The following AFDN variants were observed in gnomAD, a reference collection of about 807,000 sequenced individuals.
The protein encoded by AFDN is afadin.
A neutral mutation model predicts 216.6 loss-of-function variants in AFDN; 68 were observed. The observed-to-expected ratio is 0.31, with a 90% CI of 0.26 to 0.38. The LOEUF is 0.38. Among genes scored for constraint, AFDN ranks in the 10% least tolerant of loss-of-function variants. The pLI is 1.00. For synonymous variants in AFDN, 868 were observed against 853.7 expected, an observed-to-expected ratio of 1.02 and a Z score of -0.29; for missense variants, 2,136 against 2,342.0, an observed-to-expected ratio of 0.91 and a Z score of 1.82.
At chr6:167,904,743 C>T in intron 12 of AFDN, among the ~76,000 whole-genome samples, 1 of 152,182 alleles carries the variant, frequency 6.6e-6, no homozygotes, top group East Asian at 1.9e-4. Flanking sequence ...GGGTTCGTTC[C>T]TCTGCCTCTC....
Position 167,866,278 on chromosome 6 carries a change from G to C in AFDN, c.301+1532G>C, listed in dbSNP as rs533466540. On this transcript the variant is annotated intron_variant, in intron 2 of 33. Transcript: ENST00000683244. The stretch of plus-strand genomic sequence containing the variant: ...AAGATGGTTAAAGAAGAAGGAAATA[G>C]TGTCTTCCCCACTCCCTCAGGTACC... 5.3e-5 allele frequency among the ~76,000 whole-genome samples: 8 copies of C among 152,286 alleles called. No homozygotes were observed. The South Asian group carries it at 1.7e-3, about 32-fold the overall frequency.
At chr6:167,853,864 A>AT (rs1782591968) in intron 1 of AFDN, among the ~76,000 whole-genome samples, 1 of 152,024 alleles carries the variant, frequency 6.6e-6, no homozygotes, top group African/African-American at 2.4e-5. Context: ...ATATACGAGA[A>AT]TTTTTTCAAC....
At chr6:167,867,186 TGG>T (rs1330893754) in intron 2 of AFDN, among the ~76,000 whole-genome samples, 29 of 152,346 alleles carry the variant, frequency 1.9e-4, no homozygotes, top group Middle Eastern at 3.4e-3. Flanking sequence ...TAATTGTTAA[TGG>T]TAGTTCTCTA....
chr6:167,968,472 G>T (rs1797773323), intron 32 of AFDN: 1 of 152,366 alleles, frequency 6.6e-6, no homozygotes, highest in Non-Finnish European at 1.5e-5. Flanking sequence ...GAATTTTAAT[G>T]TGAAAATATT....
At chr6:167,923,826 T>C (rs1035785139) in intron 22 of AFDN, among the ~76,000 whole-genome samples, 1 of 152,010 alleles carries the variant, frequency 6.6e-6, no homozygotes, top group Non-Finnish European at 1.5e-5. Flanking sequence ...GGATTCACCA[T>C]GTTGGCCAGC....
At position 167,962,029 on chromosome 6, in the gene AFDN, G is replaced by C. The variant is rs369279543; in HGVS notation, c.4834-404G>C. 6.6e-6 allele frequency among the ~76,000 whole-genome samples: 1 copy of C among 152,200 alleles called. No homozygotes were observed. Among genetic ancestry groups the C allele is most frequent in the Admixed American group, 6.5e-5 (1 of 15,274 alleles). On this transcript the variant is annotated intron_variant, in intron 30 of 33. Transcript: ENST00000683244. This position sits in a 1 kb window ranked among gnomAD's most constrained non-coding sequence, Gnocchi z 5.2. The stretch of plus-strand genomic sequence containing the variant: ...ATATTCGTAGTGGAAATTAAAAAGG[G>C]AGAGGAGAAAGGAGGTGTTTCAGTG...
At chr6:167,853,755 C>G (rs568776733) in intron 1 of AFDN, among the ~76,000 whole-genome samples, 1 of 151,972 alleles carries the variant, frequency 6.6e-6, no homozygotes, top group Non-Finnish European at 1.5e-5. Flanking sequence ...GTGCGTTGTG[C>G]TTTTTTCACT....
rs978534240 is a variant in AFDN, at chr6:167,970,547, G to A, written c.*612G>A. ...GCTTCCTGTGTGATGACGCACGTCC[G>A]AGACTGTTCCATCTCATTCCTCGCA... On this transcript the variant is annotated 3_prime_UTR_variant, in exon 34 of 34. Transcript: ENST00000683244. 8.3e-5 allele frequency: 18 copies of A among 215,780 alleles called. No individual in the cohort carries two copies. The highest frequency in any genetic ancestry group is 3.4e-4 in the East Asian group (5 of 14,530). The allele number at this position is 215,780 out of a possible 1,614,324, so 13.4% of individuals were successfully genotyped here. A position where few individuals can be genotyped will look rare whatever the true frequency, so the allele number is the denominator to read the frequency against.
chr6:167,943,889 G>A, intron 25 of AFDN, 52 bp from the exon 26 acceptor site: 2 of 1,443,948 alleles, frequency 1.4e-6, no homozygotes, highest in South Asian at 2.3e-5. Context: ...ATTCATGACA[G>A]AGCAGGCACT....
chr6:167,969,202 T>C lies in AFDN; in HGVS notation c.5342+4T>C. The C allele has an allele frequency of 6.2e-7, 1 of 1,612,270 alleles. No homozygotes were observed. Among genetic ancestry groups the C allele is most frequent in the Non-Finnish European group, 8.5e-7 (1 of 1,178,338 alleles). On this transcript the variant is annotated splice_donor_region_variant and intron_variant, in intron 33 of 33. Transcript: ENST00000683244. ...CAAAAGAGAAGCGCTCTAAAAGGTA[T>C]GGACGGTTGCACTAGACGAGGAACT...
chr6:167,911,710 G>A (rs1186861288), intron 15 of AFDN: 2 of 536,466 alleles, frequency 3.7e-6, no homozygotes, highest in Non-Finnish European at 6.7e-6. Context: ...CATAAGTGAA[G>A]TTAACTTGTA....
chr6:167,916,580 A>G (rs940083127), intron 19 of AFDN, among the ~76,000 whole-genome samples: 1 of 152,236 alleles, frequency 6.6e-6, no homozygotes, highest in South Asian at 2.1e-4. Context: ...TTTTTTAGAT[A>G]TGAAAAACTA....
chr6:167,968,932 T>G, intron 32 of AFDN, 182 bp from the exon 33 acceptor site: 1 of 579,846 alleles, frequency 1.7e-6, no homozygotes, highest in Non-Finnish European at 3.1e-6. Flanking sequence ...ATTGGATTAC[T>G]CAGGCCACCA....
At chr6:167,964,691 G>A in intron 31 of AFDN, 1 of 1,061,646 alleles carries the variant, frequency 9.4e-7, no homozygotes, top group Non-Finnish European at 1.1e-6. Context: ...AGAAAATACA[G>A]GATGAAATTG....
intron 21 of AFDN, among the ~76,000 whole-genome samples, chr6:167,919,978 T>C (rs1791571905): frequency 6.6e-6 from 1 of 152,214 alleles, no homozygotes; most frequent in East Asian, 1.9e-4. Flanking sequence ...TTTCAAGATA[T>C]CTTCAAAGTT....
chr6:167,916,049 G>A (rs1487840647), intron 19 of AFDN, among the ~76,000 whole-genome samples: 1 of 152,222 alleles, frequency 6.6e-6, no homozygotes, highest in Non-Finnish European at 1.5e-5. Flanking sequence ...CTGGAGGCCA[G>A]AAGTTGAAAT....
chr6:167,832,250 T>C (rs1165482249), intron 1 of AFDN, among the ~76,000 whole-genome samples: 7 of 152,316 alleles, frequency 4.6e-5, no homozygotes, highest in South Asian at 2.1e-4. Context: ...TGGCTAACGC[T>C]GATGTGCTGA....
intron 1 of AFDN, 112 bp downstream of exon 1, chr6:167,827,349 C>CT (rs1327291883): frequency 5.7e-6 from 1 of 175,876 alleles, no homozygotes; most frequent in Non-Finnish European, 1.0e-5. Flanking sequence ...TTCCCCCTCC[C>CT]CCCTCCGCCC....
At chr6:167,902,450 T>A in intron 12 of AFDN, 64 bp downstream of exon 12, 1 of 1,192,614 alleles carries the variant, frequency 8.4e-7, no homozygotes, top group Non-Finnish European at 1.2e-6. Context: ...ATGAATACAG[T>A]AGTGGTGGGG....
Sources: gnomAD v4.1 joint callset for allele counts (sites outside exome capture counted in the v4.1 genomes callset) on GRCh38, gnomAD v4.1.1 for gene constraint, Gnocchi (gnomAD v3.1) non-coding constraint, MANE v1.5 for transcripts, NCBI Gene and HGNC (gene_info 2026-07-23, HGNC 2026-07-21) for gene names.